Variants in STK31 observed in about 807,000 individuals in gnomAD.
STK31 encodes the protein serine/threonine kinase 31.
In STK31, 89 loss-of-function variants were observed where a neutral mutation model predicts 129.7. That is an observed-to-expected ratio of 0.69 (90% CI 0.58 to 0.82). The LOEUF is 0.82. Ranked by LOEUF, STK31 falls within the 40% of genes least tolerant of loss-of-function variation. The pLI is 0.00. For synonymous variants in STK31, 448 were observed against 395.3 expected, an observed-to-expected ratio of 1.13 and a Z score of -1.58; for missense variants, 1,187 against 1,176.4, an observed-to-expected ratio of 1.01 and a Z score of -0.13.
intron 23 of STK31, among the ~76,000 whole-genome samples, chr7:23,830,336 A>C (rs901426290): frequency 1.3e-5 from 2 of 151,874 alleles, no homozygotes; most frequent in African/African-American, 4.8e-5. Flanking sequence ...AATATGTATC[A>C]GGTTGTTTAT....
intron 8 of STK31, among the ~76,000 whole-genome samples, chr7:23,741,089 T>G (rs1788029615): frequency 6.6e-6 from 1 of 152,220 alleles, no homozygotes; most frequent in African/African-American, 2.4e-5. Context: ...GCCATTATTC[T>G]TTTTGATGCC....
chr7:23,784,535 A>G (rs1192966009), intron 17 of STK31, among the ~76,000 whole-genome samples: 2 of 152,160 alleles, frequency 1.3e-5, no homozygotes, highest in Admixed American at 1.3e-4. Flanking sequence ...AAAATATGCT[A>G]ATCTACTTTA....
rs1010135079 is a variant in STK31 at position 23,782,726 on chromosome 7, G to A, written c.2068-857G>A. ...CATTTATTTCAAAGTTACTTATGTA[G>A]AGCTATGTGTTTTTTCTCTTAGGCT... On this transcript the variant is annotated intron_variant, in intron 16 of 23. Coordinates refer to ENST00000355870, the MANE Select transcript of STK31 (RefSeq NM_031414.5). 5.3e-5 allele frequency among the ~76,000 whole-genome samples: 8 copies of A among 152,172 alleles called. No individual in the cohort carries two copies. In the East Asian group the frequency reaches 1.5e-3, roughly 29 times the overall value.
chr7:23,810,667 TAA>T (rs1387030679), intron 22 of STK31, among the ~76,000 whole-genome samples: 2 of 132,368 alleles, frequency 1.5e-5, no homozygotes, highest in African/African-American at 5.7e-5. Context: ...TAAAAATATA[TAA>T]TATATATAAA....
intron 23 of STK31, among the ~76,000 whole-genome samples, chr7:23,830,994 T>C (rs1282235072): frequency 2.0e-5 from 3 of 152,216 alleles, no homozygotes; most frequent in Admixed American, 1.3e-4. Flanking sequence ...GAGATGATAC[T>C]GGATATGATT....
At chr7:23,822,056 T>C (rs921486252) in intron 23 of STK31, among the ~76,000 whole-genome samples, 2 of 152,180 alleles carry the variant, frequency 1.3e-5, no homozygotes, top group Admixed American at 6.6e-5. Context: ...TTGTAAGATA[T>C]TTTGAAGTCA....
chr7:23,808,411 A>T (rs530836569), intron 22 of STK31, among the ~76,000 whole-genome samples: 2 of 152,068 alleles, frequency 1.3e-5, no homozygotes, highest in Non-Finnish European at 2.9e-5. Context: ...CCACCACCTT[A>T]TTCCACCTTC....
At position 23,769,817 on chromosome 7, in the gene STK31, T is replaced by G. The variant is rs1584415272; in HGVS notation, c.1713+61T>G. 4.1e-5 allele frequency: 44 copies of G among 1,085,106 alleles called. No individual in the cohort carries two copies. In the East Asian group the frequency reaches 1.0e-3, roughly 25 times the overall value. The allele number at this position is 1,085,106 out of a possible 1,614,324, so 67.2% of individuals were successfully genotyped here. A position where few individuals can be genotyped will look rare whatever the true frequency, so the allele number is the denominator to read the frequency against. On this transcript the variant is annotated intron_variant, in intron 13 of 23. Coordinates refer to ENST00000355870, the MANE Select transcript of STK31 (RefSeq NM_031414.5). ...AAGCAGTGTGGTTTCCTTTCATGGT[T>G]AGAAAGTATTAACCAATAATAGAGT...
intron 5 of STK31, among the ~76,000 whole-genome samples, chr7:23,728,270 T>C (rs1337533032): frequency 6.6e-6 from 1 of 152,028 alleles, no homozygotes; most frequent in African/African-American, 2.4e-5. Context: ...TATGTATGTT[T>C]TTACTGAACC....
At chr7:23,765,407 C>T (rs1242692360) in intron 11 of STK31, among the ~76,000 whole-genome samples, 1 of 152,106 alleles carries the variant, frequency 6.6e-6, no homozygotes, top group Non-Finnish European at 1.5e-5. Context: ...CTCTTGATAA[C>T]ACACTAATGG....
chr7:23,795,357 A>C (rs536570966), intron 22 of STK31, among the ~76,000 whole-genome samples: 1 of 152,316 alleles, frequency 6.6e-6, no homozygotes, highest in Admixed American at 6.5e-5. Flanking sequence ...AGAAGTCAAG[A>C]ATGGTGGTTT....
At chr7:23,789,882 A>G (rs915916503) in intron 21 of STK31, among the ~76,000 whole-genome samples, 2 of 152,136 alleles carry the variant, frequency 1.3e-5, no homozygotes, top group African/African-American at 4.8e-5. Context: ...AATATTGATC[A>G]AACTCACCTT....
intron 22 of STK31, among the ~76,000 whole-genome samples, chr7:23,795,024 T>A (rs1041843943): frequency 1.4e-4 from 21 of 152,234 alleles, no homozygotes; most frequent in African/African-American, 5.1e-4. Context: ...TGGGAGAAAC[T>A]CAAGCCAGCT....
chr7:23,782,069 G>C (rs950238290), intron 16 of STK31, among the ~76,000 whole-genome samples: 4 of 152,108 alleles, frequency 2.6e-5, no homozygotes, highest in Admixed American at 6.6e-5. Flanking sequence ...TGATTTTTGT[G>C]AGCTTGGGAA....
chr7:23,787,563 T>C lies in STK31; in HGVS notation c.2488-417T>C, dbSNP rs555264488. ...GATCAGTAGAGGCATTAGATTCTCA[T>C]AGGAGCATAAACTCTATTGTGAACT... is the stretch of plus-strand genomic sequence containing the variant. On this transcript the variant is annotated intron_variant, in intron 20 of 23. Coordinates refer to ENST00000355870, the MANE Select transcript of STK31 (RefSeq NM_031414.5). 1.1e-4 allele frequency among the ~76,000 whole-genome samples: 16 copies of C among 152,178 alleles called. No homozygotes were observed. In the South Asian group the frequency reaches 1.2e-3, roughly 12 times the overall value.
At position 23,712,025 on chromosome 7, in the gene STK31, G is replaced by C. The variant is rs898615357; in HGVS notation, c.51-74G>C. 8.9e-6 allele frequency: 11 copies of C among 1,240,946 alleles called. No individual in the cohort carries two copies. In the Admixed American group the frequency reaches 8.9e-5, roughly 10 times the overall value. 76.9% of individuals were successfully genotyped at this position (1,240,946 alleles called of 1,614,324 possible). A position where few individuals can be genotyped will look rare whatever the true frequency, so the allele number is the denominator to read the frequency against. ...TTAGGACAAAACATTTGTAAGAATT[G>C]AACATGATGTAGTTTAGTCTTCATT... On this transcript the variant is annotated intron_variant, in intron 1 of 23. Coordinates refer to ENST00000355870, the MANE Select transcript of STK31 (RefSeq NM_031414.5).
chr7:23,729,229 G>C lies in STK31; in HGVS notation c.463G>C (p.Glu155Gln), dbSNP rs762379423. 1 of 1,601,564 alleles carries C rather than the reference G, an allele frequency of 6.2e-7. No homozygotes were observed. The highest frequency in any genetic ancestry group is 8.5e-7 in the Non-Finnish European group (1 of 1,176,668). ...GGGACTACACATTCCTTCTGATCAA[G>C]AAGTTACCCAGTTTGATCAGGCAAG... Reference protein sequence around the residue: ...LWGLHIPSDQEVTQFDQGTTF... With the variant: ...LWGLHIPSDQQVTQFDQGTTF... Residue 155 changes from glutamate (E) to glutamine (Q), a missense_variant, in exon 6 of 24, where the codon GAA becomes CAA. Coordinates refer to ENST00000355870, the MANE Select transcript of STK31 (RefSeq NM_031414.5).
At chr7:23,787,173 T>C (rs73082952) in intron 20 of STK31, among the ~76,000 whole-genome samples, 4,274 of 152,296 alleles carry the variant, frequency 0.028, 120 homozygotes, top group African/African-American at 0.073. Context: ...AATTAAGTCT[T>C]TCTGGTTCCA....
intron 22 of STK31, among the ~76,000 whole-genome samples, chr7:23,809,925 T>C (rs1792978467): frequency 6.6e-6 from 1 of 152,192 alleles, no homozygotes; most frequent in Non-Finnish European, 1.5e-5. Flanking sequence ...TGAAATTGCC[T>C]CATGATGCAT....
Sources: gnomAD v4.1 joint callset for allele counts (sites outside exome capture counted in the v4.1 genomes callset) on GRCh38, gnomAD v4.1.1 for gene constraint, MANE v1.5 for transcripts, NCBI Gene and HGNC (gene_info 2026-07-23, HGNC 2026-07-21) for gene names.